The following DTX1 variants were observed in gnomAD, a reference collection of about 807,000 sequenced individuals.
DTX1 encodes the protein deltex E3 ubiquitin ligase 1, also known as E3 ubiquitin-protein ligase DTX1.
Under a neutral mutation model 57.8 loss-of-function variants are expected in DTX1, and 26 were observed. The ratio of observed to expected loss-of-function variants is 0.45; its 90% confidence interval spans 0.33 to 0.62. DTX1 has a LOEUF of 0.62. Among genes scored for constraint, DTX1 ranks in the 20% least tolerant of loss-of-function variants. The pLI, the probability that DTX1 is intolerant of heterozygous loss-of-function variation, is 0.02. For synonymous variants in DTX1, 398 were observed against 394.1 expected (o/e 1.01, Z -0.12); for missense variants, 704 against 895.3 (o/e 0.79, Z 2.73).
At position 113,077,859 on chromosome 12, in the gene DTX1, TGCCGCC is replaced by T; in HGVS notation, c.705_710del (p.Pro237_Pro238del). 7.6e-7 allele frequency: 1 copy of T among 1,314,540 alleles called. No individual in the cohort carries two copies. Among genetic ancestry groups the T allele is most frequent in the Non-Finnish European group, 9.6e-7 (1 of 1,042,168 alleles). The allele number at this position is 1,314,540 out of a possible 1,614,324, so 81.4% of individuals were successfully genotyped here. The stretch of plus-strand genomic sequence containing the variant: ...CGCAAGGCGCCCCCCGCGCCCCCGC[TGCCGCC>T]GCCGCCGCCACCTGGAGGGCCTCCA... On this transcript the variant is annotated inframe_deletion, in exon 3 of 10. Coordinates refer to ENST00000548759, the MANE Select transcript of DTX1 (RefSeq NM_004416.3). This position sits in a 1 kb window ranked among gnomAD's most constrained non-coding sequence, Gnocchi z 7.8.
intron 3 of DTX1, among the ~76,000 whole-genome samples, chr12:113,079,328 C>T (rs540592968): frequency 1.1e-4 from 16 of 152,132 alleles, no homozygotes; most frequent in African/African-American, 3.9e-4. Context: ...AATGATGGTC[C>T]GAGATCACCA....
chr12:113,087,001 C>T (rs1005228478), intron 3 of DTX1, among the ~76,000 whole-genome samples: 7 of 151,722 alleles, frequency 4.6e-5, no homozygotes, highest in African/African-American at 7.3e-5. Context: ...GTGGCTGCCC[C>T]GGGCCGTGGG....
chr12:113,081,538 G>A (rs549568173), intron 3 of DTX1, among the ~76,000 whole-genome samples: 13 of 152,284 alleles, frequency 8.5e-5, no homozygotes, highest in Non-Finnish European at 5.9e-5. Context: ...AGTAAATGAA[G>A]ACGATCTCTG....
At chr12:113,080,724 C>T (rs1021321988) in intron 3 of DTX1, among the ~76,000 whole-genome samples, 15 of 152,022 alleles carry the variant, frequency 9.9e-5, no homozygotes, top group Non-Finnish European at 1.6e-4. Context: ...GCCTGTAATC[C>T]CAGCACTTTG....
intron 3 of DTX1, among the ~76,000 whole-genome samples, chr12:113,082,489 G>C (rs1392357955): frequency 6.6e-6 from 1 of 152,214 alleles, no homozygotes; most frequent in East Asian, 1.9e-4. Flanking sequence ...GAAAGGGATG[G>C]AGGTGGGGGG....
chr12:113,094,845 T>TCGGCACAAGGGCGTGCGG lies in DTX1; in HGVS notation c.1286_1303dup (p.Arg429_Arg434dup). ...CAGCATCAGGCTACGAGGGCGTGCT[T>TCGGCACAAGGGCGTGCGG]CGGCACAAGGGCGTGCGGCCTGAGC... On this transcript the variant is annotated inframe_insertion, in exon 7 of 10. Transcript: ENST00000548759. The TCGGCACAAGGGCGTGCGG allele has an allele frequency of 6.2e-7, 1 of 1,613,798 alleles. No homozygotes were observed. The highest frequency in any genetic ancestry group is 1.3e-5 in the African/African-American group (1 of 75,060).
chr12:113,072,384 A>G (rs2044742951), intron 2 of DTX1, among the ~76,000 whole-genome samples: 1 of 152,238 alleles, frequency 6.6e-6, no homozygotes. Context: ...CTATAGCAAC[A>G]GAACAGAGAA....
rs542926950 is a variant in DTX1, at chr12:113,086,092, A to G, written c.942-7070A>G. 1.7e-3 allele frequency among the ~76,000 whole-genome samples: 252 copies of G among 151,766 alleles called. 1 individual carries two copies. The highest frequency in any genetic ancestry group is 0.016 in the South Asian group (77 of 4,786). Reference sequence around the variant, plus strand: ...AGACCAGCCTGGACAACATAGTGAGACTCCACCTTTACAAAATTTTTTTAA... The same window carrying G: ...AGACCAGCCTGGACAACATAGTGAGGCTCCACCTTTACAAAATTTTTTTAA... On this transcript the variant is annotated intron_variant, in intron 3 of 9. Coordinates refer to ENST00000548759, the MANE Select transcript of DTX1 (RefSeq NM_004416.3).
Position 113,074,402 on chromosome 12 carries a change from G to A in DTX1, c.260-3022G>A, listed in dbSNP as rs117158926. Among the ~76,000 whole-genome samples, 413 of 152,330 alleles carry A rather than the reference G, an allele frequency of 2.7e-3. 14 individuals are homozygous for A. In the East Asian group the frequency reaches 0.06, roughly 22 times the overall value. On this transcript the variant is annotated intron_variant, in intron 2 of 9. Coordinates refer to ENST00000548759, the MANE Select transcript of DTX1 (RefSeq NM_004416.3). ...ATGGTGAGGTCATATTCCAGGCAGA[G>A]GGAACAGCCAGTGAGAAGGCCCTGA... is the stretch of plus-strand genomic sequence containing the variant.
chr12:113,060,918 C>T (rs1250085603), intron 2 of DTX1, among the ~76,000 whole-genome samples: 2 of 152,078 alleles, frequency 1.3e-5, no homozygotes, highest in East Asian at 3.9e-4. Context: ...TGGGTATGGG[C>T]GGCAGGGTCC....
intron 2 of DTX1, among the ~76,000 whole-genome samples, chr12:113,076,342 C>A (rs563278251): frequency 6.6e-6 from 1 of 152,088 alleles, no homozygotes; most frequent in African/African-American, 2.4e-5. Context: ...GCCTGTAGTC[C>A]CAGCTACTCA....
At chr12:113,089,414 C>T (rs1950229030) in intron 3 of DTX1, among the ~76,000 whole-genome samples, 1 of 152,052 alleles carries the variant, frequency 6.6e-6, no homozygotes, top group South Asian at 2.1e-4. Context: ...GCCTTCTGGT[C>T]AGAGTAGATT....
At chr12:113,059,606 G>A (rs1366969216) in intron 2 of DTX1, among the ~76,000 whole-genome samples, 1 of 152,124 alleles carries the variant, frequency 6.6e-6, no homozygotes, top group African/African-American at 2.4e-5. Context: ...ATGGGCAGTG[G>A]GGACTGGTGG....
At chr12:113,074,452 G>C (rs141977619) in intron 2 of DTX1, among the ~76,000 whole-genome samples, 3 of 152,348 alleles carry the variant, frequency 2.0e-5, no homozygotes, top group Non-Finnish European at 4.4e-5. Flanking sequence ...TGGTGTATTT[G>C]AGGAACAGCA....
chr12:113,096,153 C>T (rs1022099637), intron 9 of DTX1, among the ~76,000 whole-genome samples: 1 of 151,564 alleles, frequency 6.6e-6, no homozygotes, highest in Non-Finnish European at 1.5e-5. Context: ...TGCACTGAGT[C>T]GAGATCACCC....
chr12:113,083,366 C>T (rs942752843), intron 3 of DTX1, among the ~76,000 whole-genome samples: 1 of 152,236 alleles, frequency 6.6e-6, no homozygotes, highest in East Asian at 1.9e-4. Context: ...TGCTCTGTTA[C>T]CCAGGCTGGA....
At position 113,057,898 on chromosome 12, in the gene DTX1, A is replaced by AG. The variant is rs2044639311; in HGVS notation, c.-290dup. On this transcript the variant is annotated 5_prime_UTR_variant, in exon 2 of 10. Transcript: ENST00000548759. ...CCTCACTCCCTACCTGAGCCAGCCG[A>AG]GGGGGCCAAGGACTTTAGAGCTGTT... 1 of 412,742 alleles carries AG rather than the reference A, an allele frequency of 2.4e-6. No homozygotes were observed. Among genetic ancestry groups the AG allele is most frequent in the Non-Finnish European group, 4.3e-6 (1 of 233,048 alleles). The allele number at this position is 412,742 out of a possible 1,614,324, so 25.6% of individuals were successfully genotyped here.
At chr12:113,072,080 C>G (rs1258237319) in intron 2 of DTX1, among the ~76,000 whole-genome samples, 2 of 152,158 alleles carry the variant, frequency 1.3e-5, no homozygotes, top group Non-Finnish European at 2.9e-5. Context: ...AGGGACCCCT[C>G]GAAGCTTGGC....
Position 113,093,048 on chromosome 12 carries a change from T to G in DTX1, c.942-114T>G. The G allele has an allele frequency of 4.9e-6, 5 of 1,018,940 alleles. No homozygotes were observed. The Admixed American group carries it at 7.3e-5, about 15-fold the overall frequency. The allele number at this position is 1,018,940 out of a possible 1,614,324, so 63.1% of individuals were successfully genotyped here. A position where few individuals can be genotyped will look rare whatever the true frequency, so the allele number is the denominator to read the frequency against. On this transcript the variant is annotated intron_variant, in intron 3 of 9. Coordinates refer to ENST00000548759, the MANE Select transcript of DTX1 (RefSeq NM_004416.3). The surrounding 1 kb of genome is among the most constrained non-coding windows in gnomAD (Gnocchi z 4.2). ...GAGGTAACTGCAGTTGGCAGAGAGG[T>G]ACAAAGAGGCCAGGGTGTGTGGCCC... is the stretch of plus-strand genomic sequence containing the variant.
Sources: gnomAD v4.1 joint callset for allele counts (sites outside exome capture counted in the v4.1 genomes callset) on GRCh38, gnomAD v4.1.1 for gene constraint, Gnocchi (gnomAD v3.1) non-coding constraint, MANE v1.5 for transcripts, NCBI Gene and HGNC (gene_info 2026-07-23, HGNC 2026-07-21) for gene names.